IL7: variants seen among roughly 807,000 people sequenced by gnomAD.
IL7 encodes interleukin 7.
A neutral mutation model predicts 21.6 loss-of-function variants in IL7; 3 were observed. That is an observed-to-expected ratio of 0.14 (90% confidence interval 0.06 to 0.36). IL7 has a LOEUF of 0.36. IL7 is among the 10% of genes least tolerant of loss of function. IL7 has a pLI of 1.00. For missense variants in IL7, 175 were observed against 200.2 expected (o/e 0.87, Z 0.76); for synonymous variants, 62 against 68.1 (o/e 0.91, Z 0.44).
chr8:78,757,752 C>G (rs776522789), intron 2 of IL7, among the ~76,000 whole-genome samples: 23 of 152,010 alleles, frequency 1.5e-4, no homozygotes, highest in Non-Finnish European at 2.6e-4. Context: ...TGGTTTCCGT[C>G]ACTTCACTTT....
At chr8:78,753,915 T>A (rs1476590275) in intron 2 of IL7, among the ~76,000 whole-genome samples, 1 of 152,190 alleles carries the variant, frequency 6.6e-6, no homozygotes, top group Non-Finnish European at 1.5e-5. Flanking sequence ...CTCGGTTCTG[T>A]TCAATTGGTC....
At chr8:78,773,369 C>T (rs926268584) in intron 2 of IL7, among the ~76,000 whole-genome samples, 5 of 152,094 alleles carry the variant, frequency 3.3e-5, no homozygotes, top group African/African-American at 1.2e-4. Flanking sequence ...TTTTTCTCAT[C>T]AATGTCATAA....
intron 2 of IL7, chr8:78,747,184 A>C: frequency 1.1e-5 from 3 of 262,448 alleles, no homozygotes; most frequent in Non-Finnish European, 2.1e-5. Flanking sequence ...AATATACTTC[A>C]TTGCTTTTTT....
intron 3 of IL7, chr8:78,724,131 A>C (rs1811298547): frequency 6.6e-6 from 1 of 152,336 alleles, no homozygotes; most frequent in Non-Finnish European, 1.5e-5. Flanking sequence ...CCTCAAGGTC[A>C]GCCATGGGGA....
At chr8:78,696,184 G>A (rs371683167) in intron 3 of IL7, among the ~76,000 whole-genome samples, 28 of 151,936 alleles carry the variant, frequency 1.8e-4, no homozygotes, top group African/African-American at 5.6e-4. Flanking sequence ...ACAGGCGCCC[G>A]CTACCACGCC....
At chr8:78,700,798 A>G (rs1177295047) in intron 3 of IL7, among the ~76,000 whole-genome samples, 11 of 152,146 alleles carry the variant, frequency 7.2e-5, no homozygotes, top group Non-Finnish European at 1.6e-4. Flanking sequence ...AGGTTTGTCA[A>G]ATATCAGATA....
At chr8:78,720,382 G>T (rs1811216211) in intron 5 of IL7, among the ~76,000 whole-genome samples, 2 of 151,858 alleles carry the variant, frequency 1.3e-5, no homozygotes, top group Admixed American at 6.6e-5. Flanking sequence ...ATTAAATAGA[G>T]CTGTGGAGAA....
At chr8:78,778,001 C>CA in intron 2 of IL7, among the ~76,000 whole-genome samples, 1 of 152,118 alleles carries the variant, frequency 6.6e-6, no homozygotes, top group South Asian at 2.1e-4. Flanking sequence ...TCTAGAGCTA[C>CA]ATGGGGCCAT....
chr8:78,741,174 G>C (rs1811767071), intron 2 of IL7, among the ~76,000 whole-genome samples: 1 of 152,190 alleles, frequency 6.6e-6, no homozygotes, highest in Non-Finnish European at 1.5e-5. Flanking sequence ...CCTGTGAAAA[G>C]CATGATGATG....
chr8:78,694,517 T>G (rs1563630805), intron 3 of IL7, among the ~76,000 whole-genome samples: 1 of 152,160 alleles, frequency 6.6e-6, no homozygotes, highest in Non-Finnish European at 1.5e-5. Flanking sequence ...TAATGCAAAT[T>G]TATACAGCAA....
At chr8:78,681,197 G>T (rs2130457535) in intron 4 of IL7, among the ~76,000 whole-genome samples, 1 of 152,126 alleles carries the variant, frequency 6.6e-6, no homozygotes, top group Admixed American at 6.5e-5. Context: ...CTGCTAGTTT[G>T]TATAGCTACC....
intron 2 of IL7, among the ~76,000 whole-genome samples, chr8:78,751,841 G>A (rs759028509): frequency 1.4e-4 from 21 of 152,142 alleles, no homozygotes; most frequent in Non-Finnish European, 2.6e-4. Context: ...TCACCCTGCA[G>A]TGCTGCAGAA....
At chr8:78,744,240 C>T (rs958132027) in intron 2 of IL7, among the ~76,000 whole-genome samples, 8 of 151,600 alleles carry the variant, frequency 5.3e-5, no homozygotes, top group Non-Finnish European at 1.2e-4. Flanking sequence ...ACCTCTGTCC[C>T]AGGGAGTTTT....
At chr8:78,725,925 C>T (rs1490428503) in intron 3 of IL7, among the ~76,000 whole-genome samples, 3 of 151,834 alleles carry the variant, frequency 2.0e-5, no homozygotes, top group Non-Finnish European at 2.9e-5. Flanking sequence ...TAATTCCCAC[C>T]AGGCACTATT....
intron 2 of IL7, among the ~76,000 whole-genome samples, chr8:78,778,874 G>T (rs750370505): frequency 2.0e-5 from 3 of 152,094 alleles, no homozygotes; most frequent in Non-Finnish European, 2.9e-5. Context: ...TCCTATCCAT[G>T]AGCATGACAT....
chr8:78,748,993 C>G (rs1210107242), intron 2 of IL7, among the ~76,000 whole-genome samples: 5 of 152,114 alleles, frequency 3.3e-5, no homozygotes, highest in African/African-American at 7.2e-5. Context: ...GAAAAAGGTA[C>G]TATGTAGAAG....
chr8:78,724,807 T>C (rs1470310107), intron 3 of IL7, among the ~76,000 whole-genome samples: 1 of 152,036 alleles, frequency 6.6e-6, no homozygotes, highest in Non-Finnish European at 1.5e-5. Context: ...TTCTCCCTCT[T>C]ATATCAGTAG....
intron 2 of IL7, among the ~76,000 whole-genome samples, chr8:78,754,941 C>A (rs1812299069): frequency 6.6e-6 from 1 of 152,022 alleles, no homozygotes; most frequent in Non-Finnish European, 1.5e-5. Flanking sequence ...CCTATATTCT[C>A]TTCTAGTGGT....
chr8:78,721,446 G>A (rs1336220630), intron 3 of IL7: 4 of 152,058 alleles, frequency 2.6e-5, no homozygotes, highest in Non-Finnish European at 2.9e-5. Context: ...GAGGACTGAG[G>A]AAAAGAGATG....
Sources: gnomAD v4.1 joint callset for allele counts (sites outside exome capture counted in the v4.1 genomes callset) on GRCh38, gnomAD v4.1.1 for gene constraint, MANE v1.5 for transcripts, NCBI Gene and HGNC (gene_info 2026-07-23, HGNC 2026-07-21) for gene names.